Variants in TPM1 observed in about 807,000 individuals in gnomAD.
TPM1 encodes the protein tropomyosin alpha-1 chain.
A neutral mutation model predicts 42.9 loss-of-function variants in TPM1; 24 were observed. The ratio of observed to expected loss-of-function variants is 0.56; its 90% CI spans 0.41 to 0.79. The LOEUF (loss-of-function observed/expected upper bound fraction) is 0.79, where lower values mean the gene tolerates loss of function less well. Among genes scored for constraint, TPM1 ranks in the 30% least tolerant of loss-of-function variants. The pLI, the probability that TPM1 is intolerant of heterozygous loss-of-function variation, is 0.00. For missense variants in TPM1, 158 were observed against 351.8 expected (o/e 0.45, Z 4.41); for synonymous variants, 136 against 130.1 (o/e 1.05, Z -0.31).
intron 2 of TPM1, chr15:63,048,035 A>G (rs2032774745): frequency 3.1e-6 from 1 of 321,728 alleles, no homozygotes; most frequent in Non-Finnish European, 6.0e-6. Context: ...TGCGGTTGGG[A>G]TCAGGCCCTT....
chr15:63,047,483 T>G (rs2032632360), intron 2 of TPM1: 2 of 152,240 alleles, frequency 1.3e-5, no homozygotes, highest in African/African-American at 2.4e-5. Context: ...AGCCAGAGGC[T>G]CTCTCATAGG....
In TPM1 at chr15:63,061,682, C is replaced by T. The variant is rs1481972199; in HGVS notation, c.564-31C>T. On this transcript the variant is annotated intron_variant, in intron 5 of 9. Coordinates refer to ENST00000403994, the MANE Select transcript of TPM1 (RefSeq NM_001018005.2). ...CTCCTCCTTCCTTTGGCTTGTCTCC[C>T]ACCCTTTCTGCCTCTGATCGAAAAC... 7.5e-6 allele frequency: 12 copies of T among 1,606,808 alleles called. No homozygotes were observed. In the Admixed American group the frequency reaches 1.8e-4, roughly 25 times the overall value.
chr15:63,044,733 A>G, intron 2 of TPM1: 1 of 175,350 alleles, frequency 5.7e-6, no homozygotes, highest in South Asian at 1.3e-4. Flanking sequence ...CTGCCTGGGA[A>G]GATGATACTT....
rs986789283 is a variant in TPM1, at chr15:63,065,601, T to C, written c.852-295T>C. Reference sequence around the variant, plus strand: ...TGTGGTGATTCTTTGGGAAAAACTTTTTGCATCAAGTATGATTAAATATTC... The same window carrying C: ...TGTGGTGATTCTTTGGGAAAAACTTCTTGCATCAAGTATGATTAAATATTC... On this transcript the variant is annotated intron_variant, in intron 9 of 9. Transcript: ENST00000403994. 1.3e-5 allele frequency: 13 copies of C among 985,266 alleles called. No individual in the cohort carries two copies. The African/African-American group carries it at 1.9e-4, about 15-fold the overall frequency. 61.0% of individuals were successfully genotyped at this position (985,266 alleles called of 1,614,324 possible).
intron 2 of TPM1, among the ~76,000 whole-genome samples, chr15:63,051,807 G>A (rs1363425600): frequency 1.3e-5 from 2 of 151,072 alleles, no homozygotes; most frequent in African/African-American, 4.9e-5. Context: ...TTTTTAAAAA[G>A]TAAAAGTCAC....
downstream of TPM1, chr15:63,070,156 TG>T (rs2036525696): frequency 7.1e-7 from 1 of 1,400,676 alleles, no homozygotes; most frequent in Non-Finnish European, 9.3e-7. Context: ...ACAGCTTTTA[TG>T]GTAGAATACT....
chr15:63,053,687 T>G (rs868359846), intron 2 of TPM1, among the ~76,000 whole-genome samples: 2 of 80,426 alleles, frequency 2.5e-5, no homozygotes, highest in African/African-American at 4.7e-5. Flanking sequence ...TTTTTTTTTT[T>G]TTTTTGTTTT....
intron 6 of TPM1, 154 bp from the exon 7 acceptor site, chr15:63,062,061 G>A: frequency 1.3e-6 from 1 of 740,790 alleles, no homozygotes; most frequent in Non-Finnish European, 2.4e-6. Context: ...AGAAAGCAGA[G>A]AATGTATTGC....
intron 8 of TPM1, chr15:63,063,730 C>T (rs2035952661): frequency 3.7e-6 from 1 of 267,376 alleles, no homozygotes; most frequent in Non-Finnish European, 7.1e-6. Flanking sequence ...TTCCATTAGC[C>T]CCTGCCTCCC....
intron 8 of TPM1, chr15:63,063,034 A>G (rs1270389878): frequency 2.8e-5 from 37 of 1,327,862 alleles, no homozygotes; most frequent in Non-Finnish European, 2.8e-5. Context: ...AGAAGAACCC[A>G]TCTTCTTCCA....
At chr15:63,051,893 G>GT (rs5813189) in intron 2 of TPM1, among the ~76,000 whole-genome samples, 15 of 96,986 alleles carry the variant, frequency 1.5e-4, no homozygotes, top group South Asian at 1.0e-3. Context: ...CATAAAAGTT[G>GT]TTTTTTTTTT....
At chr15:63,048,390 C>T (rs1010235215) in intron 2 of TPM1, 21 of 1,355,120 alleles carry the variant, frequency 1.5e-5, no homozygotes, top group African/African-American at 3.1e-5. Flanking sequence ...TGCGGTTTGT[C>T]TGCGCAGCCC....
At chr15:63,070,167 T>G, downstream of TPM1, 1 of 1,364,956 alleles carries the variant, frequency 7.3e-7, no homozygotes, top group South Asian at 1.5e-5. Context: ...GGTAGAATAC[T>G]TATATCAATT....
At position 63,065,990 on chromosome 15, in the gene TPM1, C is replaced by G; in HGVS notation, c.*91C>G. 6.4e-7 allele frequency: 1 copy of G among 1,570,308 alleles called. No homozygotes were observed. The highest frequency in any genetic ancestry group is 1.2e-5 in the South Asian group (1 of 85,856). On this transcript the variant is annotated 3_prime_UTR_variant, in exon 10 of 10. Transcript: ENST00000403994. ...GCATTTGTCTATTCTCCAGCTGACCCTGGTTCTCTCTCTTAGCATCCTGCC... is the reference window on the plus strand; with the variant it reads ...GCATTTGTCTATTCTCCAGCTGACCGTGGTTCTCTCTCTTAGCATCCTGCC...
At chr15:63,047,750 A>AGC (rs1228072118) in intron 2 of TPM1, 2 of 152,486 alleles carry the variant, frequency 1.3e-5, no homozygotes, top group African/African-American at 4.8e-5. Context: ...TTGAGTTTTT[A>AGC]ACTATGTACA....
chr15:63,048,460 G>A (rs1403570737), intron 2 of TPM1: 5 of 1,381,556 alleles, frequency 3.6e-6, no homozygotes, highest in South Asian at 3.3e-5. Flanking sequence ...CGCACAGAGA[G>A]GCCTGGGCGG....
At chr15:63,053,470 A>T (rs1426181996) in intron 2 of TPM1, among the ~76,000 whole-genome samples, 1 of 152,122 alleles carries the variant, frequency 6.6e-6, no homozygotes, top group Non-Finnish European at 1.5e-5. Context: ...ATCCTGTCTC[A>T]CACTGATGGC....
chr15:63,048,739 C>G, intron 2 of TPM1: 1 of 1,527,064 alleles, frequency 6.5e-7, no homozygotes, highest in Non-Finnish European at 8.8e-7. Flanking sequence ...CCGCAGCCCC[C>G]AGAGGCGCAT....
intron 2 of TPM1, among the ~76,000 whole-genome samples, chr15:63,051,559 T>C (rs2033879541): frequency 6.6e-6 from 1 of 152,088 alleles, no homozygotes; most frequent in African/African-American, 2.4e-5. Flanking sequence ...CCCCCTTTCC[T>C]TACCATATAA....
Sources: allele counts gnomAD v4.1 joint callset (sites outside exome capture counted in the v4.1 genomes callset), GRCh38; gene constraint gnomAD v4.1.1; transcripts MANE v1.5; gene names NCBI Gene and HGNC (gene_info 2026-07-23, HGNC 2026-07-21).